The following SGCZ variants were observed in gnomAD, a reference collection of about 807,000 sequenced individuals.
The protein encoded by SGCZ is zeta-sarcoglycan.
In SGCZ, 40 loss-of-function variants were observed where a neutral mutation model predicts 41.3. That is an observed-to-expected ratio of 0.97 (90% CI 0.75 to 1.26). The LOEUF (loss-of-function observed/expected upper bound fraction) is 1.26, where lower values mean the gene tolerates loss of function less well. SGCZ is among the 50% of genes most tolerant of loss of function. The pLI, the probability that SGCZ is intolerant of heterozygous loss-of-function variation, is 0.00. For synonymous variants in SGCZ, 206 were observed against 137.5 expected (o/e 1.50, Z -3.49); for missense variants, 552 against 369.8 (o/e 1.49, Z -4.04).
At chr8:14,188,821 T>G (rs1421818965) in intron 4 of SGCZ, among the ~76,000 whole-genome samples, 1 of 16,804 alleles carries the variant, frequency 6.0e-5, no homozygotes, top group African/African-American at 4.0e-4. Flanking sequence ...TGTTTGTTTC[T>G]TTGTTTTTTT....
chr8:14,586,012 C>G (rs1238836032), intron 1 of SGCZ, among the ~76,000 whole-genome samples: 1 of 152,066 alleles, frequency 6.6e-6, no homozygotes, highest in Non-Finnish European at 1.5e-5. Flanking sequence ...TGGGGGCAAT[C>G]ATGTACAGAT....
intron 1 of SGCZ, among the ~76,000 whole-genome samples, chr8:14,862,441 G>T (rs370123492): frequency 2.7e-5 from 4 of 150,242 alleles, no homozygotes; most frequent in African/African-American, 9.8e-5. Context: ...TATAATGCAC[G>T]AATTATTTGA....
chr8:14,498,980 T>C lies in SGCZ; in HGVS notation c.234+55752A>G, dbSNP rs79226016. 7.2e-3 allele frequency among the ~76,000 whole-genome samples: 1,091 copies of C among 152,092 alleles called. 14 individuals are homozygous for C. Among genetic ancestry groups the C allele is most frequent in the African/African-American group, 0.025 (1,057 of 41,564 alleles). ...GTATCTATGAATGGTCCAGTTATGC[T>C]AGAAAATACATGTATTCTCTTTAAA... On this transcript the variant is annotated intron_variant, in intron 2 of 7. Coordinates refer to ENST00000382080, the MANE Select transcript of SGCZ (RefSeq NM_139167.4).
chr8:15,238,321 AAGAGGGAGAGAAAGAG>A lies in SGCZ; in HGVS notation c.-714_-699del, dbSNP rs764907437. ...AGGAGGTGGATCCAACGGAGAGAAA[AAGAGGGAGAGAAAGAG>A]AGAGGGAGAGAAAAATTTTCCTCCT... On this transcript the variant is annotated 5_prime_UTR_variant, in exon 1 of 8. Transcript: ENST00000382080. The A allele has an allele frequency of 2.0e-5, 3 of 152,210 alleles. No homozygotes were observed. Among genetic ancestry groups the A allele is most frequent in the Non-Finnish European group, 2.9e-5 (2 of 68,054 alleles). The allele number at this position is 152,210 out of a possible 1,614,324, so 9.4% of individuals were successfully genotyped here.
intron 1 of SGCZ, among the ~76,000 whole-genome samples, chr8:14,987,081 C>A (rs1420938126): frequency 6.6e-6 from 1 of 151,698 alleles, no homozygotes; most frequent in Admixed American, 6.6e-5. Context: ...ATTTGTTCTG[C>A]ATAAAGACAG....
At chr8:14,143,125 T>A (rs13270472) in intron 5 of SGCZ, among the ~76,000 whole-genome samples, 51,283 of 151,926 alleles carry the variant, frequency 0.34, 11,054 homozygotes, top group Non-Finnish European at 0.49. Flanking sequence ...ATTCAAATAA[T>A]AAAAATATCT....
intron 3 of SGCZ, among the ~76,000 whole-genome samples, chr8:14,277,697 T>C (rs1800283009): frequency 1.3e-5 from 2 of 152,066 alleles, no homozygotes; most frequent in Admixed American, 1.3e-4. Context: ...TTAAAGTAAA[T>C]TGGCAAGACA....
At chr8:14,503,351 T>C (rs769784475) in intron 2 of SGCZ, among the ~76,000 whole-genome samples, 1 of 152,118 alleles carries the variant, frequency 6.6e-6, no homozygotes, top group Non-Finnish European at 1.5e-5. Context: ...ACGTAGATGA[T>C]GGGTTGATGA....
chr8:14,684,650 C>G lies in SGCZ; in HGVS notation c.40-129724G>C, dbSNP rs1585180803. Among the ~76,000 whole-genome samples the G allele has an allele frequency of 1.3e-5, 2 of 151,660 alleles. 1 individual carries two copies. The highest frequency in any genetic ancestry group is 3.9e-4 in the East Asian group (2 of 5,182). On this transcript the variant is annotated intron_variant, in intron 1 of 7. Transcript: ENST00000382080. Reference sequence around the variant, plus strand: ...TAAAAAGTTCATCTAAATGATGCATCTCAAATCTGAGGCTGAAATAGTTTC... The same window carrying G: ...TAAAAAGTTCATCTAAATGATGCATGTCAAATCTGAGGCTGAAATAGTTTC...
At chr8:14,208,687 T>C (rs1178279979) in intron 4 of SGCZ, among the ~76,000 whole-genome samples, 1 of 152,050 alleles carries the variant, frequency 6.6e-6, no homozygotes, top group African/African-American at 2.4e-5. Flanking sequence ...ATTATACAGT[T>C]ACTTATACTG....
chr8:15,047,390 T>A (rs1192203978), intron 1 of SGCZ, among the ~76,000 whole-genome samples: 5 of 152,088 alleles, frequency 3.3e-5, no homozygotes, highest in Non-Finnish European at 2.9e-5. Flanking sequence ...TTTCTGAATT[T>A]TTCTCCATAA....
chr8:14,544,299 G>A (rs371549426), intron 2 of SGCZ, among the ~76,000 whole-genome samples: 2 of 152,044 alleles, frequency 1.3e-5, no homozygotes, highest in Non-Finnish European at 2.9e-5. Flanking sequence ...GATAACTGTG[G>A]TAACTGTACA....
At chr8:14,754,588 T>C (rs1039108703) in intron 1 of SGCZ, among the ~76,000 whole-genome samples, 9 of 152,166 alleles carry the variant, frequency 5.9e-5, no homozygotes, top group Admixed American at 4.6e-4. Flanking sequence ...ACCCAATAAA[T>C]AGCTGTAGAA....
Position 14,945,612 on chromosome 8 carries a change from G to A in SGCZ, c.39+291973C>T, listed in dbSNP as rs537445786. ...TCTTTCTGGATATGTCTGTAAGGGC[G>A]TTTCCGGAGGAGATTGGCATGTGAG... is the stretch of plus-strand genomic sequence containing the variant. On this transcript the variant is annotated intron_variant, in intron 1 of 7. Transcript: ENST00000382080. Among the ~76,000 whole-genome samples the A allele has an allele frequency of 1.2e-3, 178 of 152,070 alleles. 1 individual carries two copies. The highest frequency in any genetic ancestry group is 2.1e-3 in the Non-Finnish European group (146 of 67,982).
At chr8:15,075,777 A>G (rs559885467) in intron 1 of SGCZ, among the ~76,000 whole-genome samples, 2 of 152,322 alleles carry the variant, frequency 1.3e-5, no homozygotes, top group African/African-American at 4.8e-5. Context: ...AATTTTTCAC[A>G]TATATTGGTA....
intron 2 of SGCZ, among the ~76,000 whole-genome samples, chr8:14,334,032 G>C (rs1423185444): frequency 6.6e-6 from 1 of 152,010 alleles, no homozygotes; most frequent in Non-Finnish European, 1.5e-5. Context: ...AAATGAGCCA[G>C]GGAGGTAATC....
chr8:14,746,810 G>A (rs1463011703), intron 1 of SGCZ, among the ~76,000 whole-genome samples: 1 of 152,132 alleles, frequency 6.6e-6, no homozygotes, highest in Non-Finnish European at 1.5e-5. Context: ...TAAAAGATAA[G>A]TAGTCTCTTT....
intron 2 of SGCZ, among the ~76,000 whole-genome samples, chr8:14,375,435 G>T (rs1804082949): frequency 6.6e-6 from 1 of 152,062 alleles, no homozygotes; most frequent in Non-Finnish European, 1.5e-5. Flanking sequence ...TATTAGGAAG[G>T]TTGACTAACT....
At chr8:14,137,120 G>A (rs928848544) in intron 5 of SGCZ, among the ~76,000 whole-genome samples, 5 of 152,138 alleles carry the variant, frequency 3.3e-5, no homozygotes, top group Non-Finnish European at 5.9e-5. Flanking sequence ...CAGAAAGAAA[G>A]AGCATCAGCA....
Sources: gnomAD v4.1 joint callset for allele counts (sites outside exome capture counted in the v4.1 genomes callset) on GRCh38, gnomAD v4.1.1 for gene constraint, MANE v1.5 for transcripts, NCBI Gene and HGNC (gene_info 2026-07-23, HGNC 2026-07-21) for gene names.